The following MX1 variants were observed in gnomAD, a reference collection of about 807,000 sequenced individuals.
The protein encoded by MX1 is MX dynamin like GTPase 1, also known as interferon-induced GTP-binding protein Mx1.
Under a neutral mutation model 66.4 loss-of-function variants are expected in MX1, and 66 were observed. The observed-to-expected ratio is 0.99, with a 90% CI of 0.82 to 1.22. The LOEUF (loss-of-function observed/expected upper bound fraction) is 1.22, where lower values mean the gene tolerates loss of function less well. MX1 is among the 50% of genes most tolerant of loss of function. MX1 has a pLI of 0.00. For synonymous variants in MX1, 311 were observed against 318.1 expected (o/e 0.98, Z 0.24); for missense variants, 787 against 834.3 (o/e 0.94, Z 0.70).
chr21:41,435,836 G>A lies in MX1; in HGVS notation c.106-1G>A. The A allele has an allele frequency of 6.2e-7, 1 of 1,600,200 alleles. No homozygotes were observed. Among genetic ancestry groups the A allele is most frequent in the African/African-American group, 1.3e-5 (1 of 74,744 alleles). On this transcript the variant is annotated splice_acceptor_variant, in intron 5 of 16. Transcript: ENST00000398598. LOFTEE classifies it high-confidence loss of function. ...GAATTCTCCATTTTTGTTTCCTCCA[G>A]GTGGCTGAGAACAACCTGTGCAGCC...
chr21:41,433,498 C>T (rs2090279314), intron 5 of MX1, among the ~76,000 whole-genome samples: 3 of 152,168 alleles, frequency 2.0e-5, no homozygotes, highest in African/African-American at 7.2e-5. Flanking sequence ...ACTAGAGTTC[C>T]AGGTATCAAA....
At chr21:41,458,058 C>A (rs574963759) in intron 16 of MX1, among the ~76,000 whole-genome samples, 1 of 152,256 alleles carries the variant, frequency 6.6e-6, no homozygotes, top group Admixed American at 6.5e-5. Context: ...GCCTGGAGTA[C>A]AATGGCGCGA....
intron 14 of MX1, among the ~76,000 whole-genome samples, chr21:41,450,185 G>T (rs187140688): frequency 6.6e-5 from 10 of 152,292 alleles, no homozygotes; most frequent in African/African-American, 2.2e-4. Flanking sequence ...AAAGCCAATG[G>T]TTCCATAACT....
intron 7 of MX1, 115 bp from the exon 8 acceptor site, chr21:41,439,579 T>G (rs548022696): frequency 1.3e-5 from 13 of 997,186 alleles, no homozygotes; most frequent in Non-Finnish European, 2.0e-5. Context: ...CTGCTCCAAA[T>G]ATGCTTTTAT....
At chr21:41,454,567 C>T (rs2090914655) in intron 16 of MX1, among the ~76,000 whole-genome samples, 1 of 152,198 alleles carries the variant, frequency 6.6e-6, no homozygotes, top group Admixed American at 6.5e-5. Flanking sequence ...CTTAGTGCAG[C>T]ATTGGAATGC....
At chr21:41,424,863 G>C (rs868208008), upstream of MX1, among the ~76,000 whole-genome samples, 1 of 152,214 alleles carries the variant, frequency 6.6e-6, no homozygotes, top group African/African-American at 2.4e-5. Context: ...CTTATATGTC[G>C]TTTGAGATGG....
rs2090860074 is a variant in MX1 at position 41,452,613 on chromosome 21, T to C, written c.1510-8T>C. On this transcript the variant is annotated splice_region_variant and splice_polypyrimidine_tract_variant and intron_variant, in intron 15 of 16. Coordinates refer to ENST00000398598, the MANE Select transcript of MX1 (RefSeq NM_002462.5). The stretch of plus-strand genomic sequence containing the variant: ...AGGGAAACTGTATTTATTTATTTTT[T>C]ACTGTAGTCCAAAATTGAAGACATT... 9 of 1,589,616 alleles carry C rather than the reference T, an allele frequency of 5.7e-6. No individual in the cohort carries two copies. The highest frequency in any genetic ancestry group is 7.7e-6 in the Non-Finnish European group (9 of 1,169,596).
chr21:41,455,907 G>C (rs1397449609), intron 16 of MX1, among the ~76,000 whole-genome samples: 1 of 152,234 alleles, frequency 6.6e-6, no homozygotes, highest in Non-Finnish European at 1.5e-5. Context: ...GGTATATTAG[G>C]ATTGTGCAGG....
chr21:41,439,469 G>A (rs1199341683), intron 7 of MX1, among the ~76,000 whole-genome samples: 2 of 152,198 alleles, frequency 1.3e-5, no homozygotes, highest in Non-Finnish European at 2.9e-5. Flanking sequence ...TCATGGTGAC[G>A]TTCTCACAAG....
chr21:41,453,577 A>T (rs1266206000), intron 16 of MX1, among the ~76,000 whole-genome samples: 1 of 152,124 alleles, frequency 6.6e-6, no homozygotes, highest in Non-Finnish European at 1.5e-5. Flanking sequence ...GAAAAACCAA[A>T]CTCTGTTAAA....
At chr21:41,428,441 C>T (rs1255478245) in intron 3 of MX1, 1 of 152,298 alleles carries the variant, frequency 6.6e-6, no homozygotes, top group Non-Finnish European at 1.5e-5. Context: ...ACAGCCACTC[C>T]AGGGAGTCCA....
At chr21:41,443,758 G>C (rs1212094552) in intron 10 of MX1, 30 bp from the exon 11 acceptor site, 1 of 1,609,500 alleles carries the variant, frequency 6.2e-7, no homozygotes, top group Non-Finnish European at 8.5e-7. Flanking sequence ...GCTACATCAA[G>C]GTGGAAATCG....
At chr21:41,451,683 A>AG (rs1340931337) in intron 15 of MX1, among the ~76,000 whole-genome samples, 3 of 151,754 alleles carry the variant, frequency 2.0e-5, no homozygotes, top group African/African-American at 7.3e-5. Context: ...AAAATACAAA[A>AG]AAGTAGCTGG....
intron 7 of MX1, among the ~76,000 whole-genome samples, chr21:41,437,895 C>T (rs535318984): frequency 9.3e-4 from 141 of 152,322 alleles, no homozygotes; most frequent in Admixed American, 1.6e-3. Context: ...ACTGTGTTTG[C>T]ATAATCCCAG....
intron 10 of MX1, 184 bp from the exon 11 acceptor site, chr21:41,443,604 A>G (rs2090577414): frequency 3.2e-6 from 2 of 632,928 alleles, no homozygotes; most frequent in Admixed American, 5.4e-5. Flanking sequence ...AATATCCTAG[A>G]TTGCTAAAAT....
intron 3 of MX1, chr21:41,428,176 G>A (rs2090116933): frequency 6.6e-6 from 1 of 152,232 alleles, no homozygotes; most frequent in Non-Finnish European, 1.5e-5. Flanking sequence ...AAAGTACTGG[G>A]ATTACAGGCA....
In MX1 at chr21:41,436,951, C is replaced by T. The variant is rs2090380408; in HGVS notation, c.299-64C>T. 1.9e-6 allele frequency: 3 copies of T among 1,580,754 alleles called. No homozygotes were observed. The Admixed American group carries it at 5.4e-5, about 28-fold the overall frequency. The stretch of plus-strand genomic sequence containing the variant: ...TGTATAAAAGTTTGAGAACCATGGG[C>T]CTAAGGCGCTATGTAGGTCTTTTAA... On this transcript the variant is annotated intron_variant, in intron 6 of 16. Transcript: ENST00000398598.
At position 41,432,122 on chromosome 21, in the gene MX1, C is replaced by T. The variant is rs756106916; in HGVS notation, c.52C>T (p.His18Tyr). ...IAKADPAAAS[H>Y]PLLLNGDATV... ...AAAAGCTGATCCAGCTGCTGCATCC[C>T]ACCCTCTATTACTGAATGGAGATGC... The change falls in exon 5 of 17, where the codon CAC becomes TAC. Residue 18 changes from histidine to tyrosine, a missense_variant. Transcript: ENST00000398598. The T allele has an allele frequency of 6.2e-7, 1 of 1,614,176 alleles. No individual in the cohort carries two copies. Among genetic ancestry groups the T allele is most frequent in the South Asian group, 1.1e-5 (1 of 91,090 alleles).
chr21:41,437,717 G>A lies in MX1; in HGVS notation c.436+565G>A, dbSNP rs575771697. 2.0e-5 allele frequency among the ~76,000 whole-genome samples: 3 copies of A among 152,284 alleles called. No homozygotes were observed. The East Asian group carries it at 5.8e-4, about 29-fold the overall frequency. ...AAATGTCCCCACATATGGATGATCT[G>A]TCCCTTATTCAAGGGCTTCCCTACT... On this transcript the variant is annotated intron_variant, in intron 7 of 16. Coordinates refer to ENST00000398598, the MANE Select transcript of MX1 (RefSeq NM_002462.5).
Sources: gnomAD v4.1 joint callset for allele counts (sites outside exome capture counted in the v4.1 genomes callset) on GRCh38, gnomAD v4.1.1 for gene constraint, MANE v1.5 for transcripts, NCBI Gene and HGNC (gene_info 2026-07-23, HGNC 2026-07-21) for gene names.